PRKAR1A: variants seen among roughly 807,000 people sequenced by gnomAD.
PRKAR1A encodes cAMP-dependent protein kinase type I-alpha regulatory subunit.
PRKAR1A carries 3 observed loss-of-function variants against 52.0 expected under a neutral mutation model. The observed-to-expected ratio is 0.06, with a 90% CI of 0.03 to 0.15. The LOEUF (loss-of-function observed/expected upper bound fraction) is 0.15, where lower values mean the gene tolerates loss of function less well. Ranked by LOEUF, PRKAR1A falls within the 10% of genes least tolerant of loss-of-function variation. PRKAR1A has a pLI of 1.00. For missense variants in PRKAR1A, 240 were observed against 477.4 expected, an observed-to-expected ratio of 0.50 and a Z score of 4.63; for synonymous variants, 188 against 168.4, an observed-to-expected ratio of 1.12 and a Z score of -0.90.
the PRKAR1A span, among the ~76,000 whole-genome samples, chr17:68,486,092 A>G: frequency 6.6e-6 from 1 of 152,168 alleles, no homozygotes; most frequent in Non-Finnish European, 1.5e-5. Context: ...GATTCAGTGA[A>G]CTGTTGATTC....
At chr17:68,461,877 T>A in the PRKAR1A span, among the ~76,000 whole-genome samples, 1 of 152,120 alleles carries the variant, frequency 6.6e-6, no homozygotes, top group African/African-American at 2.4e-5. This position sits in a 1 kb window ranked among gnomAD's most constrained non-coding sequence, Gnocchi z 4.6. Flanking sequence ...ATGATCGAAC[T>A]GATTGGCAAG....
chr17:68,442,223 G>A, the PRKAR1A span, among the ~76,000 whole-genome samples: 1 of 152,096 alleles, frequency 6.6e-6, no homozygotes, highest in Non-Finnish European at 1.5e-5. Flanking sequence ...CAGCACTTTG[G>A]GAGGCCAAGG....
the PRKAR1A span, chr17:68,441,109 C>G: frequency 6.6e-6 from 1 of 152,234 alleles, no homozygotes; most frequent in Non-Finnish European, 1.5e-5. Flanking sequence ...ACCACCTCCT[C>G]CATACTGGGA....
intron 7 of PRKAR1A, 71 bp from the exon 8 acceptor site, chr17:68,527,769 A>G: frequency 1.6e-6 from 2 of 1,264,122 alleles, no homozygotes; most frequent in Non-Finnish European, 1.1e-6. Context: ...CTTAATATTT[A>G]TTATTCCATA....
At chr17:68,466,314 C>A in the PRKAR1A span, among the ~76,000 whole-genome samples, 2 of 151,992 alleles carry the variant, frequency 1.3e-5, no homozygotes, top group Non-Finnish European at 2.9e-5. Context: ...ATTGCTGCCA[C>A]CTGCTGGAGT....
At chr17:68,426,239 G>C in the PRKAR1A span, 1 of 1,170,184 alleles carries the variant, frequency 8.5e-7, no homozygotes, top group Non-Finnish European at 1.2e-6. Context: ...ATGACCTGGC[G>C]GGTGGGGAGC....
At chr17:68,510,986 A>T (rs540618722), upstream of PRKAR1A, among the ~76,000 whole-genome samples, 1 of 152,364 alleles carries the variant, frequency 6.6e-6, no homozygotes, top group African/African-American at 2.4e-5. Flanking sequence ...TAGCTACACT[A>T]AGAATTAAAA....
the PRKAR1A span, among the ~76,000 whole-genome samples, chr17:68,445,881 G>GAGCT: frequency 6.6e-6 from 1 of 152,288 alleles, no homozygotes; most frequent in South Asian, 2.1e-4. Flanking sequence ...GATGCCCAAG[G>GAGCT]AGCTGCCCAA....
the PRKAR1A span, among the ~76,000 whole-genome samples, chr17:68,487,801 GAC>G: frequency 8.2e-6 from 1 of 122,364 alleles, no homozygotes. Flanking sequence ...CCTCATCTCA[GAC>G]AAAAAAAAAA....
At chr17:68,437,320 C>T in the PRKAR1A span, among the ~76,000 whole-genome samples, 2 of 151,782 alleles carry the variant, frequency 1.3e-5, no homozygotes, top group African/African-American at 2.4e-5. Flanking sequence ...TTTGGCAGGC[C>T]GAGGCAGGTG....
the PRKAR1A span, among the ~76,000 whole-genome samples, chr17:68,486,694 G>A: frequency 6.3e-4 from 96 of 151,224 alleles, no homozygotes; most frequent in Middle Eastern, 3.4e-3. Context: ...ATTGTAGAAA[G>A]TGAAAATATA....
the PRKAR1A span, chr17:68,457,496 C>CGGGCCG: frequency 7.8e-7 from 1 of 1,276,182 alleles, no homozygotes; most frequent in East Asian, 3.3e-5. Flanking sequence ...GCCGGCTCCA[C>CGGGCCG]GGGCCGGGTC....
Position 68,512,456 on chromosome 17 carries a change from G to A in PRKAR1A, c.-99G>A, listed in dbSNP as rs941229005. On this transcript the variant is annotated 5_prime_UTR_variant, in exon 1 of 11. Transcript: ENST00000589228. ...GAGCTGTCGCCTAGCCGCTATCGCA[G>A]AGTGGAGCGGGGCTGGGAGCAAAGC... The A allele has an allele frequency of 6.5e-6, 1 of 153,284 alleles. No homozygotes were observed. The highest frequency in any genetic ancestry group is 6.5e-5 in the Admixed American group (1 of 15,296). The allele number at this position is 153,284 out of a possible 1,614,324, so 9.5% of individuals were successfully genotyped here. A position where few individuals can be genotyped will look rare whatever the true frequency, so the allele number is the denominator to read the frequency against.
At chr17:68,529,780 T>C in intron 9 of PRKAR1A, 140 bp from the exon 10 acceptor site, 1 of 823,676 alleles carries the variant, frequency 1.2e-6, no homozygotes, top group Non-Finnish European at 2.1e-6. Context: ...AAATTGAAGC[T>C]CATGTGGTGA....
the PRKAR1A span, chr17:68,434,444 C>T: frequency 2.8e-6 from 3 of 1,062,574 alleles, no homozygotes; most frequent in African/African-American, 3.2e-5. Flanking sequence ...ACACTTCCTC[C>T]AGGTGAGTGG....
the PRKAR1A span, among the ~76,000 whole-genome samples, chr17:68,496,167 G>C: frequency 6.9e-6 from 1 of 144,452 alleles, no homozygotes; most frequent in African/African-American, 2.6e-5. Context: ...TCAGACTCCT[G>C]GGTAGCTGGA....
At chr17:68,414,680 G>T in the PRKAR1A span, among the ~76,000 whole-genome samples, 1 of 150,172 alleles carries the variant, frequency 6.7e-6, no homozygotes, top group Non-Finnish European at 1.5e-5. Context: ...GTTGTTGTTG[G>T]TAATTTAAAA....
chr17:68,492,089 GCAGGCACATGAATAA>G, the PRKAR1A span, among the ~76,000 whole-genome samples: 1 of 152,208 alleles, frequency 6.6e-6, no homozygotes, highest in Non-Finnish European at 1.5e-5. Flanking sequence ...TGCAAAAGCC[GCAGGCACATGAATAA>G]CAGGGAGCGT....
At chr17:68,506,981 G>T (rs2085207224), upstream of PRKAR1A, among the ~76,000 whole-genome samples, 1 of 152,110 alleles carries the variant, frequency 6.6e-6, no homozygotes, top group Non-Finnish European at 1.5e-5. Flanking sequence ...GTGTATGTTT[G>T]TTTGGGCTTA....
Sources: gnomAD v4.1 joint callset for allele counts (sites outside exome capture counted in the v4.1 genomes callset) on GRCh38, gnomAD v4.1.1 for gene constraint, Gnocchi (gnomAD v3.1) non-coding constraint, MANE v1.5 for transcripts, NCBI Gene and HGNC (gene_info 2026-07-23, HGNC 2026-07-21) for gene names.